Variants in NRXN3 observed in about 807,000 individuals in gnomAD.
The protein encoded by NRXN3 is neurexin III.
In NRXN3, 32 loss-of-function variants were observed where a neutral mutation model predicts 137.6. That is an observed-to-expected ratio of 0.23 (90% CI 0.18 to 0.31). NRXN3 has a LOEUF of 0.31. Ranked by LOEUF, NRXN3 falls within the 10% of genes least tolerant of loss-of-function variation. The pLI, the probability that NRXN3 is intolerant of heterozygous loss-of-function variation, is 1.00. For synonymous variants in NRXN3, 798 were observed against 784.5 expected (o/e 1.02, Z -0.29); for missense variants, 1,574 against 2,062.5 (o/e 0.76, Z 4.59).
intron 10 of NRXN3, among the ~76,000 whole-genome samples, chr14:78,863,921 G>A (rs2099079696): frequency 1.3e-5 from 2 of 152,104 alleles, no homozygotes; most frequent in Non-Finnish European, 2.9e-5. Context: ...TTGGTAAAAT[G>A]TAGGTTCAAA....
chr14:79,005,083 T>C (rs1226639123), intron 15 of NRXN3, among the ~76,000 whole-genome samples: 2 of 152,218 alleles, frequency 1.3e-5, no homozygotes, highest in African/African-American at 4.8e-5. Context: ...AAGTTTTCAG[T>C]TCTCCCATAC....
chr14:78,444,746 T>A (rs1567609366), intron 4 of NRXN3, among the ~76,000 whole-genome samples: 1 of 151,214 alleles, frequency 6.6e-6, no homozygotes, highest in African/African-American at 2.4e-5. Flanking sequence ...ATAGTGAAAC[T>A]GCGTCTCTAC....
At chr14:79,216,904 AGGTG>A (rs1011771313) in intron 15 of NRXN3, among the ~76,000 whole-genome samples, 20 of 152,172 alleles carry the variant, frequency 1.3e-4, no homozygotes, top group Admixed American at 1.3e-3. Context: ...TGGGAGGCTG[AGGTG>A]GGTGGATCAC....
At chr14:79,025,184 C>A (rs927620800) in intron 15 of NRXN3, among the ~76,000 whole-genome samples, 1 of 152,128 alleles carries the variant, frequency 6.6e-6, no homozygotes, top group African/African-American at 2.4e-5. Flanking sequence ...TCTTTCTTTT[C>A]ATAGTCTTTA....
In NRXN3 at chr14:78,891,636, A is replaced by G. The variant is rs144819295; in HGVS notation, c.2276-65606A>G. ...AATGAACACAGATGGACACTCTTCA[A>G]ATAAAGCTTCCTATTGAATTTTAAT... On this transcript the variant is annotated intron_variant, in intron 10 of 20. Coordinates refer to ENST00000335750, the MANE Select transcript of NRXN3 (RefSeq NM_001330195.2). Among the ~76,000 whole-genome samples the G allele has an allele frequency of 3.6e-3, 547 of 152,136 alleles. 4 individuals are homozygous for G. The highest frequency in any genetic ancestry group is 0.013 in the African/African-American group (522 of 41,552).
At chr14:78,720,438 C>T (rs2098454521) in intron 8 of NRXN3, among the ~76,000 whole-genome samples, 1 of 152,202 alleles carries the variant, frequency 6.6e-6, no homozygotes, top group Admixed American at 6.5e-5. Flanking sequence ...TATCATGGAA[C>T]AGCTTAATCA....
At chr14:78,395,606 G>A (rs1381440297) in intron 4 of NRXN3, among the ~76,000 whole-genome samples, 1 of 151,834 alleles carries the variant, frequency 6.6e-6, no homozygotes. Flanking sequence ...ATTGAGAGAA[G>A]GGTGTGAAGT....
chr14:78,958,504 T>C lies in NRXN3; in HGVS notation c.2395+1143T>C, dbSNP rs375265415. Among the ~76,000 whole-genome samples, 504 of 152,058 alleles carry C rather than the reference T, an allele frequency of 3.3e-3. 1 individual carries two copies. The highest frequency in any genetic ancestry group is 9.8e-3 in the African/African-American group (407 of 41,508). ...CCGAGTAGCTGGGACTACAGGTGCCTGCCACCACGCCTGGCTAATTTTTTG... is the reference window on the plus strand; with the variant it reads ...CCGAGTAGCTGGGACTACAGGTGCCCGCCACCACGCCTGGCTAATTTTTTG... On this transcript the variant is annotated intron_variant, in intron 11 of 20. Coordinates refer to ENST00000335750, the MANE Select transcript of NRXN3 (RefSeq NM_001330195.2).
intron 15 of NRXN3, among the ~76,000 whole-genome samples, chr14:79,314,743 G>A (rs1045939895): frequency 1.4e-5 from 2 of 146,950 alleles, no homozygotes; most frequent in African/African-American, 2.5e-5. Context: ...GCCTCCTCAA[G>A]TGGGTCCCTG....
intron 16 of NRXN3, among the ~76,000 whole-genome samples, chr14:79,617,930 A>AAAAAAAAAAAAAAAAAAAAAAAAAAAAG (rs1385000688): frequency 6.7e-6 from 1 of 148,732 alleles, no homozygotes; most frequent in African/African-American, 2.6e-5. Context: ...AAAAAAAAAA[A>AAAAAAAAAAAAAAAAAAAAAAAAAAAAG]AACATGCTTA....
intron 15 of NRXN3, among the ~76,000 whole-genome samples, chr14:79,396,253 A>G (rs975235690): frequency 9.2e-5 from 14 of 152,040 alleles, no homozygotes; most frequent in African/African-American, 3.1e-4. Context: ...ATAGGTCCAT[A>G]TATGTATTGT....
chr14:78,648,883 G>T (rs2097712114), intron 5 of NRXN3, among the ~76,000 whole-genome samples: 1 of 152,044 alleles, frequency 6.6e-6, no homozygotes, highest in Non-Finnish European at 1.5e-5. Flanking sequence ...TTAGAGGGTG[G>T]GAAGGGAGTG....
At chr14:79,139,930 A>C (rs771519037) in intron 15 of NRXN3, among the ~76,000 whole-genome samples, 49 of 149,620 alleles carry the variant, frequency 3.3e-4, no homozygotes, top group South Asian at 1.0e-3. Context: ...TATATATCAT[A>C]TACATGGCAT....
At chr14:78,926,495 C>T (rs1334380268) in intron 10 of NRXN3, among the ~76,000 whole-genome samples, 1 of 147,050 alleles carries the variant, frequency 6.8e-6, no homozygotes, top group Non-Finnish European at 1.5e-5. Context: ...AATGCCAGCA[C>T]TTTGAGAGGC....
chr14:79,106,434 A>G (rs1168168757), intron 15 of NRXN3, among the ~76,000 whole-genome samples: 4 of 151,930 alleles, frequency 2.6e-5, no homozygotes, highest in African/African-American at 9.7e-5. Context: ...CTTTCTCTTG[A>G]TTCCTGTAGG....
At chr14:79,131,633 T>G (rs1247855960) in intron 15 of NRXN3, among the ~76,000 whole-genome samples, 1 of 152,222 alleles carries the variant, frequency 6.6e-6, no homozygotes, top group Non-Finnish European at 1.5e-5. Flanking sequence ...GTCTTTTTGT[T>G]TGTCTGTGCC....
At chr14:79,825,154 C>G (rs1013938925) in intron 20 of NRXN3, among the ~76,000 whole-genome samples, 2 of 150,166 alleles carry the variant, frequency 1.3e-5, no homozygotes, top group Non-Finnish European at 2.9e-5. Context: ...CTGCCAAATG[C>G]CATTACGTAA....
chr14:78,475,989 T>C (rs1484064585), intron 4 of NRXN3, among the ~76,000 whole-genome samples: 2 of 152,208 alleles, frequency 1.3e-5, no homozygotes, highest in Non-Finnish European at 2.9e-5. Flanking sequence ...CATAGTACAA[T>C]GTCACATGGT....
intron 15 of NRXN3, among the ~76,000 whole-genome samples, chr14:79,316,408 A>C (rs1349747118): frequency 6.6e-6 from 1 of 152,198 alleles, no homozygotes; most frequent in Non-Finnish European, 1.5e-5. Flanking sequence ...GATATTAAAA[A>C]TATTCAACAA....
Sources: gnomAD v4.1 joint callset for allele counts (sites outside exome capture counted in the v4.1 genomes callset) on GRCh38, gnomAD v4.1.1 for gene constraint, MANE v1.5 for transcripts, NCBI Gene and HGNC (gene_info 2026-07-23, HGNC 2026-07-21) for gene names.